Variants in PHACTR1 observed in about 807,000 individuals in gnomAD.
The protein encoded by PHACTR1 is phosphatase and actin regulator 1.
Under a neutral mutation model 69.2 loss-of-function variants are expected in PHACTR1, and 16 were observed. The ratio of observed to expected loss-of-function variants is 0.23; its 90% CI spans 0.16 to 0.35. The LOEUF (loss-of-function observed/expected upper bound fraction) is 0.35. PHACTR1 is among the 10% of genes least tolerant of loss of function. The pLI, the probability that PHACTR1 is intolerant of heterozygous loss-of-function variation, is 1.00. For missense variants in PHACTR1, 510 were observed against 734.7 expected (o/e 0.69, Z 3.54); for synonymous variants, 312 against 284.5 (o/e 1.10, Z -0.97).
chr6:13,169,357 T>TCTGGG (rs962487000), intron 6 of PHACTR1, among the ~76,000 whole-genome samples: 4 of 152,010 alleles, frequency 2.6e-5, no homozygotes, highest in African/African-American at 7.2e-5. Context: ...TCAAGGGAGA[T>TCTGGG]CTGGGCTGGG....
intron 4 of PHACTR1, among the ~76,000 whole-genome samples, chr6:12,774,868 T>G (rs370902148): frequency 6.6e-6 from 1 of 152,190 alleles, no homozygotes; most frequent in Non-Finnish European, 1.5e-5. Context: ...TCCAGTTAAG[T>G]TTTTAAAAGG....
chr6:13,161,737 C>T (rs1759047644), intron 6 of PHACTR1, among the ~76,000 whole-genome samples: 1 of 152,146 alleles, frequency 6.6e-6, no homozygotes, highest in Non-Finnish European at 1.5e-5. Flanking sequence ...ATCTGACCTC[C>T]TTCATTCTTG....
intron 8 of PHACTR1, among the ~76,000 whole-genome samples, chr6:13,211,329 C>T (rs1766810537): frequency 6.6e-6 from 1 of 151,882 alleles, no homozygotes; most frequent in African/African-American, 2.4e-5. Flanking sequence ...CCTTTGTTAT[C>T]ATTTCAAAGA....
intron 4 of PHACTR1, among the ~76,000 whole-genome samples, chr6:12,861,450 AT>A (rs1780931735): frequency 6.6e-6 from 1 of 152,238 alleles, no homozygotes; most frequent in Admixed American, 6.5e-5. Flanking sequence ...TAAGACAGGC[AT>A]TTTAGCCATG....
chr6:12,924,241 T>G (rs1289384044), intron 4 of PHACTR1, among the ~76,000 whole-genome samples: 1 of 152,210 alleles, frequency 6.6e-6, no homozygotes, highest in Non-Finnish European at 1.5e-5. Context: ...TATATTTACA[T>G]ATAGGCACAG....
intron 5 of PHACTR1, among the ~76,000 whole-genome samples, chr6:13,140,435 T>C (rs1822265517): frequency 6.6e-6 from 1 of 152,064 alleles, no homozygotes. Context: ...ATATATACAA[T>C]GGAGTATTAC....
intron 6 of PHACTR1, among the ~76,000 whole-genome samples, chr6:13,162,199 C>A (rs1350963844): frequency 6.6e-6 from 1 of 152,072 alleles, no homozygotes; most frequent in African/African-American, 2.4e-5. Flanking sequence ...TCCTGGGTTC[C>A]AGTGGATCTC....
chr6:13,215,126 CT>C (rs1767471354), intron 8 of PHACTR1, among the ~76,000 whole-genome samples: 1 of 152,206 alleles, frequency 6.6e-6, no homozygotes, highest in Non-Finnish European at 1.5e-5. Context: ...AGGATGGTAC[CT>C]GTGTTTGCTT....
At chr6:13,008,471 T>G (rs1290929153) in intron 4 of PHACTR1, among the ~76,000 whole-genome samples, 1 of 152,212 alleles carries the variant, frequency 6.6e-6, no homozygotes, top group African/African-American at 2.4e-5. Flanking sequence ...CACAGCAAGC[T>G]CTGATCACAT....
At chr6:12,821,489 G>T (rs62389225) in intron 4 of PHACTR1, among the ~76,000 whole-genome samples, 1 of 141,190 alleles carries the variant, frequency 7.1e-6, no homozygotes, top group Non-Finnish European at 1.6e-5. Flanking sequence ...AAAAAAGAGA[G>T]AGAGAGAGAG....
At chr6:12,925,545 G>A (rs1788183959) in intron 4 of PHACTR1, among the ~76,000 whole-genome samples, 1 of 152,166 alleles carries the variant, frequency 6.6e-6, no homozygotes, top group Non-Finnish European at 1.5e-5. Flanking sequence ...AAAACTTCTA[G>A]CCCATAGAGT....
intron 4 of PHACTR1, among the ~76,000 whole-genome samples, chr6:12,765,739 T>A (rs1409061649): frequency 6.6e-6 from 1 of 152,124 alleles, no homozygotes; most frequent in African/African-American, 2.4e-5. Flanking sequence ...TGTGTTTAGG[T>A]CATATGGAAA....
At chr6:12,928,951 G>A (rs1014842297) in intron 4 of PHACTR1, among the ~76,000 whole-genome samples, 1 of 152,234 alleles carries the variant, frequency 6.6e-6, no homozygotes, top group South Asian at 2.1e-4. Flanking sequence ...GAATGTCTGA[G>A]TGTCGGAGCA....
chr6:13,018,549 T>G (rs1351446368), intron 4 of PHACTR1, among the ~76,000 whole-genome samples: 1 of 152,218 alleles, frequency 6.6e-6, no homozygotes, highest in Admixed American at 6.5e-5. Flanking sequence ...CAGTTTTGCC[T>G]TGGGCCTTTC....
At chr6:13,158,755 G>A (rs767788299) in intron 5 of PHACTR1, among the ~76,000 whole-genome samples, 2 of 152,200 alleles carry the variant, frequency 1.3e-5, no homozygotes, top group African/African-American at 2.4e-5. Flanking sequence ...AAGGTCACTC[G>A]ACTCATGTCC....
chr6:13,181,004 A>G (rs978558534), intron 6 of PHACTR1, among the ~76,000 whole-genome samples: 2 of 152,178 alleles, frequency 1.3e-5, no homozygotes, highest in Non-Finnish European at 2.9e-5. Flanking sequence ...AAAAGAAAAA[A>G]AAACACACTC....
intron 4 of PHACTR1, among the ~76,000 whole-genome samples, chr6:12,840,886 G>C (rs750197094): frequency 7.9e-5 from 12 of 152,212 alleles, no homozygotes; most frequent in Non-Finnish European, 1.6e-4. Flanking sequence ...GTTGCATTGA[G>C]CTGATAAGGA....
chr6:12,933,571 T>G, intron 4 of PHACTR1: 1 of 1,590,232 alleles, frequency 6.3e-7, no homozygotes, highest in East Asian at 2.2e-5. Context: ...TTCTTCTTGT[T>G]ATCTCTTTGT....
At chr6:13,131,489 G>A (rs1413300340) in intron 5 of PHACTR1, among the ~76,000 whole-genome samples, 1 of 152,022 alleles carries the variant, frequency 6.6e-6, no homozygotes, top group East Asian at 1.9e-4. Context: ...TACACATTGA[G>A]TACAGCATAC....
Sources: gnomAD v4.1 joint callset for allele counts (sites outside exome capture counted in the v4.1 genomes callset) on GRCh38, gnomAD v4.1.1 for gene constraint, MANE v1.5 for transcripts, NCBI Gene and HGNC (gene_info 2026-07-23, HGNC 2026-07-21) for gene names.